RBFOX1: variants seen among roughly 807,000 people sequenced by gnomAD.
RBFOX1 encodes RNA binding fox-1 homolog 1.
In RBFOX1, 8 loss-of-function variants were observed where a neutral mutation model predicts 57.7. The observed-to-expected ratio is 0.14, with a 90% confidence interval of 0.08 to 0.25. The LOEUF (loss-of-function observed/expected upper bound fraction) is 0.25. Among genes scored for constraint, RBFOX1 ranks in the 10% least tolerant of loss-of-function variants. The pLI, the probability that RBFOX1 is intolerant of heterozygous loss-of-function variation, is 1.00. For synonymous variants in RBFOX1, 326 were observed against 222.4 expected (o/e 1.47, Z -4.15); for missense variants, 611 against 548.5 (o/e 1.11, Z -1.14).
intron 1 of RBFOX1, among the ~76,000 whole-genome samples, chr16:5,466,152 C>T (rs570616376): frequency 1.3e-5 from 2 of 152,206 alleles, no homozygotes. Context: ...ACGGCAGAAG[C>T]GCAAGCTTGC....
chr16:6,343,834 A>G (rs2084928586), intron 2 of RBFOX1, among the ~76,000 whole-genome samples: 1 of 152,116 alleles, frequency 6.6e-6, no homozygotes, highest in Non-Finnish European at 1.5e-5. Flanking sequence ...TGGATTAAGG[A>G]TTACTATGAA....
intron 4 of RBFOX1, among the ~76,000 whole-genome samples, chr16:7,485,918 T>G (rs2065241037): frequency 6.6e-6 from 1 of 152,152 alleles, no homozygotes; most frequent in Non-Finnish European, 1.5e-5. Flanking sequence ...ACCCATTTAT[T>G]TACATATTGT....
At chr16:7,586,716 T>A (rs9922599) in intron 6 of RBFOX1, among the ~76,000 whole-genome samples, 1 of 152,028 alleles carries the variant, frequency 6.6e-6, no homozygotes, top group Non-Finnish European at 1.5e-5. Context: ...TGATCACAAC[T>A]GCTGATACCA....
intron 1 of RBFOX1, among the ~76,000 whole-genome samples, chr16:6,266,330 G>A (rs894708975): frequency 2.0e-5 from 3 of 152,218 alleles, no homozygotes; most frequent in African/African-American, 7.2e-5. Flanking sequence ...AGCCCATCCT[G>A]AATGATATTC....
At chr16:6,804,709 G>C (rs560845688) in intron 3 of RBFOX1, among the ~76,000 whole-genome samples, 78 of 152,198 alleles carry the variant, frequency 5.1e-4, no homozygotes, top group African/African-American at 1.8e-3. Flanking sequence ...CACATGACTG[G>C]GGCAGAACAG....
chr16:5,354,127 C>G (rs1020354032), intron 1 of RBFOX1, among the ~76,000 whole-genome samples: 2 of 152,176 alleles, frequency 1.3e-5, no homozygotes, highest in Admixed American at 6.5e-5. Flanking sequence ...CATCTGAGCT[C>G]AAGTCCTGGA....
intron 3 of RBFOX1, among the ~76,000 whole-genome samples, chr16:5,842,400 A>G (rs2056647661): frequency 6.6e-6 from 1 of 152,148 alleles, no homozygotes; most frequent in Non-Finnish European, 1.5e-5. Context: ...TTTGATTTCC[A>G]TTTAAATCCC....
In RBFOX1 at chr16:7,607,047, G is replaced by GT. The variant is rs1158378315; in HGVS notation, c.623-237dup. Among the ~76,000 whole-genome samples, 14 of 152,340 alleles carry GT rather than the reference G, an allele frequency of 9.2e-5. No individual in the cohort carries two copies. In the East Asian group the frequency reaches 2.5e-3, roughly 27 times the overall value. ...CATGTCATTTTCAAAGGGTTCACTT[G>GT]TGGCTGGTCAGTAGTTTCCATTCCA... On this transcript the variant is annotated intron_variant, in intron 9 of 15. Transcript: ENST00000550418.
chr16:6,066,894 A>C (rs1263521929), intron 1 of RBFOX1, among the ~76,000 whole-genome samples: 1 of 151,972 alleles, frequency 6.6e-6, no homozygotes, highest in Non-Finnish European at 1.5e-5. Context: ...AACAGGCTGC[A>C]TTTGACCGTT....
At chr16:5,390,952 T>G (rs1024785228) in intron 1 of RBFOX1, among the ~76,000 whole-genome samples, 3 of 152,204 alleles carry the variant, frequency 2.0e-5, no homozygotes, top group Non-Finnish European at 2.9e-5. Context: ...GGGGGCCTTA[T>G]TAAGCCATTC....
chr16:6,455,019 A>T, intron 2 of RBFOX1, among the ~76,000 whole-genome samples: 1 of 148,830 alleles, frequency 6.7e-6, no homozygotes. Flanking sequence ...AGTAGCTGGG[A>T]CTATAGGCAC....
At chr16:6,775,507 C>G (rs904548866) in intron 3 of RBFOX1, among the ~76,000 whole-genome samples, 2 of 151,880 alleles carry the variant, frequency 1.3e-5, no homozygotes, top group African/African-American at 4.8e-5. Flanking sequence ...TCAAATAAAT[C>G]AGATGCAACC....
At chr16:6,477,171 T>C (rs931019911) in intron 2 of RBFOX1, among the ~76,000 whole-genome samples, 3 of 152,214 alleles carry the variant, frequency 2.0e-5, no homozygotes, top group Non-Finnish European at 1.5e-5. Context: ...CTGTTAATGT[T>C]GCTATTTTGA....
intron 2 of RBFOX1, among the ~76,000 whole-genome samples, chr16:6,491,557 T>C (rs910133457): frequency 6.6e-6 from 1 of 152,212 alleles, no homozygotes; most frequent in African/African-American, 2.4e-5. Flanking sequence ...TTGTTCAGTA[T>C]ATAGAATTGC....
chr16:5,546,006 G>A (rs968695953), intron 2 of RBFOX1, among the ~76,000 whole-genome samples: 1 of 151,906 alleles, frequency 6.6e-6, no homozygotes, highest in Admixed American at 6.6e-5. Context: ...TATACAAAAA[G>A]CCATTGTATT....
intron 4 of RBFOX1, among the ~76,000 whole-genome samples, chr16:5,920,247 C>T (rs1405445138): frequency 6.6e-6 from 1 of 152,188 alleles, no homozygotes; most frequent in Non-Finnish European, 1.5e-5. Flanking sequence ...TTAGTACTTC[C>T]TTTCTGTAGA....
intron 4 of RBFOX1, among the ~76,000 whole-genome samples, chr16:7,135,924 C>T (rs1282701386): frequency 2.0e-5 from 3 of 152,200 alleles, no homozygotes; most frequent in Admixed American, 2.0e-4. Flanking sequence ...TCTGCATTGT[C>T]TTTGGAGTTG....
chr16:6,055,418 C>T (rs1057252375), intron 1 of RBFOX1, among the ~76,000 whole-genome samples: 14 of 151,586 alleles, frequency 9.2e-5, no homozygotes, highest in African/African-American at 3.4e-4. Context: ...TATGGTGAGA[C>T]CCCATCTCTA....
At chr16:7,674,565 T>G (rs1451969187) in intron 13 of RBFOX1, among the ~76,000 whole-genome samples, 1 of 152,092 alleles carries the variant, frequency 6.6e-6, no homozygotes, top group African/African-American at 2.4e-5. Flanking sequence ...ACAAGCAAAT[T>G]TCTAGATAAT....
Sources: gnomAD v4.1 joint callset for allele counts (sites outside exome capture counted in the v4.1 genomes callset) on GRCh38, gnomAD v4.1.1 for gene constraint, MANE v1.5 for transcripts, NCBI Gene and HGNC (gene_info 2026-07-23, HGNC 2026-07-21) for gene names.